The following PIBF1 variants were observed in gnomAD, a reference collection of about 807,000 sequenced individuals.
PIBF1 encodes the protein progesterone-induced-blocking factor 1.
Under a neutral mutation model 112.5 loss-of-function variants are expected in PIBF1, and 90 were observed. The observed-to-expected ratio is 0.80, with a 90% CI of 0.67 to 0.95. The LOEUF (loss-of-function observed/expected upper bound fraction) is 0.95, where lower values mean the gene tolerates loss of function less well. PIBF1 is among the 40% of genes least tolerant of loss of function. The pLI is 0.00. For missense variants in PIBF1, 915 were observed against 852.3 expected (o/e 1.07, Z -0.92); for synonymous variants, 301 against 288.6 (o/e 1.04, Z -0.44).
chr13:72,923,212 A>G (rs1042681792), intron 13 of PIBF1, among the ~76,000 whole-genome samples: 1 of 152,226 alleles, frequency 6.6e-6, no homozygotes, highest in Non-Finnish European at 1.5e-5. Context: ...GTGCTTTGAT[A>G]TCTCAGATAT....
At chr13:72,947,903 C>T (rs961080910) in intron 14 of PIBF1, among the ~76,000 whole-genome samples, 3 of 152,124 alleles carry the variant, frequency 2.0e-5, no homozygotes, top group Non-Finnish European at 4.4e-5. Flanking sequence ...ACTATGTAGC[C>T]ATAAAAAAGT....
chr13:72,825,893 G>A (rs1191822470), intron 6 of PIBF1, among the ~76,000 whole-genome samples: 15 of 144,376 alleles, frequency 1.0e-4, no homozygotes, highest in African/African-American at 2.0e-4. Context: ...TAGCAAGACC[G>A]TCTTTACAAA....
chr13:72,898,539 T>C lies in PIBF1; in HGVS notation c.1488+4590T>C, dbSNP rs570483283. Among the ~76,000 whole-genome samples the C allele has an allele frequency of 4.0e-5, 6 of 151,626 alleles. No homozygotes were observed. In the South Asian group the frequency reaches 8.4e-4, roughly 21 times the overall value. ...AAAGCTGGTTCTTTGAAAAGATAAA[T>C]AAAATTGATAGATCAGGCCAGGCAC... On this transcript the variant is annotated intron_variant, in intron 11 of 17. Coordinates refer to ENST00000326291, the MANE Select transcript of PIBF1 (RefSeq NM_006346.4).
At chr13:72,993,055 C>T (rs2043530006) in intron 16 of PIBF1, among the ~76,000 whole-genome samples, 1 of 152,124 alleles carries the variant, frequency 6.6e-6, no homozygotes, top group Admixed American at 6.5e-5. Context: ...ATCAGTAGGC[C>T]AGATGCAGTG....
Position 72,783,436 on chromosome 13 carries a change from A to G in PIBF1, c.-34A>G. 7.0e-7 allele frequency: 1 copy of G among 1,418,890 alleles called. No homozygotes were observed. Among genetic ancestry groups the G allele is most frequent in the Non-Finnish European group, 9.8e-7 (1 of 1,025,396 alleles). 87.9% of individuals were successfully genotyped at this position (1,418,890 alleles called of 1,614,324 possible). A position where few individuals can be genotyped will look rare whatever the true frequency, so the allele number is the denominator to read the frequency against. ...TTTAACCTACAGAATATTAAAATCA[A>G]ATTAGAGAAGAAAACTGATCCATAA... On this transcript the variant is annotated 5_prime_UTR_variant, in exon 2 of 18. Transcript: ENST00000326291.
intron 5 of PIBF1, among the ~76,000 whole-genome samples, chr13:72,805,205 C>T (rs569759876): frequency 6.6e-4 from 100 of 152,268 alleles, no homozygotes; most frequent in African/African-American, 2.3e-3. Context: ...TGCAGTGGCA[C>T]GATCTCGGTT....
At chr13:72,907,829 A>T (rs993001080) in intron 11 of PIBF1, among the ~76,000 whole-genome samples, 6 of 152,050 alleles carry the variant, frequency 3.9e-5, no homozygotes, top group African/African-American at 1.4e-4. Context: ...GTATCACTAG[A>T]GGCATCTCTT....
rs1555313939 is a variant in PIBF1, at chr13:72,916,414, A to ATT, written c.1640-656_1640-655dup. On this transcript the variant is annotated intron_variant, in intron 12 of 17. Coordinates refer to ENST00000326291, the MANE Select transcript of PIBF1 (RefSeq NM_006346.4). ...TCTCAAAAAATATATATATATATATATTTTTTTAATCCCAACTTGCAGTAA... is the reference window on the plus strand; with the variant it reads ...TCTCAAAAAATATATATATATATATATTTTTTTTTAATCCCAACTTGCAGTAA... 2.2e-3 allele frequency among the ~76,000 whole-genome samples: 332 copies of ATT among 149,026 alleles called. 4 individuals carry two copies. The highest frequency in any genetic ancestry group is 0.016 in the South Asian group (74 of 4,750).
rs771042597 is a variant in PIBF1, at chr13:72,803,960, T to A, written c.672+5934T>A. Among the ~76,000 whole-genome samples, 315 of 152,338 alleles carry A rather than the reference T, an allele frequency of 2.1e-3. 1 individual carries two copies. Among genetic ancestry groups the A allele is most frequent in the Non-Finnish European group, 2.9e-3 (199 of 68,018 alleles). On this transcript the variant is annotated intron_variant, in intron 5 of 17. Coordinates refer to ENST00000326291, the MANE Select transcript of PIBF1 (RefSeq NM_006346.4). ...TTCATTTGAAGTTTTCTGTTTTTTC[T>A]TCTGTTACTTGGAATGTTCTTATCT...
At chr13:72,901,980 A>G (rs1430118437) in intron 11 of PIBF1, among the ~76,000 whole-genome samples, 1 of 119,166 alleles carries the variant, frequency 8.4e-6, no homozygotes, top group Non-Finnish European at 1.8e-5. Context: ...AATCGAATGG[A>G]TAAAGAAACT....
chr13:73,015,493 TAATA>T (rs2044357390), intron 17 of PIBF1, among the ~76,000 whole-genome samples: 1 of 152,162 alleles, frequency 6.6e-6, no homozygotes. Context: ...AGTAATTATT[TAATA>T]AATATCTATT....
At chr13:72,899,315 A>G (rs1222918945) in intron 11 of PIBF1, among the ~76,000 whole-genome samples, 2 of 152,154 alleles carry the variant, frequency 1.3e-5, no homozygotes, top group African/African-American at 4.8e-5. Context: ...GAAAGGATAC[A>G]ACCAAAAAAG....
intron 16 of PIBF1, among the ~76,000 whole-genome samples, chr13:72,977,205 T>C (rs927388739): frequency 2.6e-5 from 4 of 151,768 alleles, no homozygotes; most frequent in African/African-American, 4.8e-5. Flanking sequence ...TTTGTTTTGT[T>C]TTGTCTTGTT....
In PIBF1 at chr13:72,900,357, A is replaced by G. The variant is rs527471630; in HGVS notation, c.1488+6408A>G. On this transcript the variant is annotated intron_variant, in intron 11 of 17. Coordinates refer to ENST00000326291, the MANE Select transcript of PIBF1 (RefSeq NM_006346.4). ...ACACTACCTGATGTCAAACTATACT[A>G]TAAGGCCATAGTCACCAAAACAGTG... 5.9e-5 allele frequency among the ~76,000 whole-genome samples: 9 copies of G among 152,310 alleles called. No homozygotes were observed. The East Asian group carries it at 1.4e-3, about 23-fold the overall frequency.
chr13:72,947,256 C>T (rs540336841), intron 14 of PIBF1, among the ~76,000 whole-genome samples: 137 of 152,308 alleles, frequency 9.0e-4, no homozygotes, highest in Admixed American at 1.6e-3. Context: ...CTGAGCTGTA[C>T]ATTGGCCCGA....
intron 10 of PIBF1, among the ~76,000 whole-genome samples, chr13:72,863,118 G>T (rs894892583): frequency 1.3e-5 from 2 of 151,880 alleles, no homozygotes; most frequent in African/African-American, 4.8e-5. Context: ...ACTATAAATG[G>T]AACAGACTAT....
At chr13:72,854,971 A>G (rs2038347851) in intron 10 of PIBF1, among the ~76,000 whole-genome samples, 2 of 152,320 alleles carry the variant, frequency 1.3e-5, no homozygotes, top group South Asian at 4.1e-4. Flanking sequence ...TATGGTAAAT[A>G]TCATTACTTC....
At chr13:72,965,082 T>A (rs1464133733) in intron 14 of PIBF1, among the ~76,000 whole-genome samples, 192 bp from the exon 15 acceptor site, 2 of 151,396 alleles carry the variant, frequency 1.3e-5, no homozygotes, top group Non-Finnish European at 3.0e-5. Context: ...ACAAAAAAAA[T>A]TATTGTTTAT....
At chr13:73,006,742 T>G (rs560016764) in intron 17 of PIBF1, among the ~76,000 whole-genome samples, 2 of 152,282 alleles carry the variant, frequency 1.3e-5, no homozygotes, top group Admixed American at 1.3e-4. Context: ...TAACTAACCC[T>G]CTCAATGGGT....
Sources: gnomAD v4.1 joint callset for allele counts (sites outside exome capture counted in the v4.1 genomes callset) on GRCh38, gnomAD v4.1.1 for gene constraint, MANE v1.5 for transcripts, NCBI Gene and HGNC (gene_info 2026-07-23, HGNC 2026-07-21) for gene names.